The following WWC2 variants were observed in gnomAD, a reference collection of about 807,000 sequenced individuals.
WWC2 encodes the protein WW and C2 domain containing 2, also known as protein WWC2.
In WWC2, 101 loss-of-function variants were observed where a neutral mutation model predicts 138.5. The ratio of observed to expected loss-of-function variants is 0.73; its 90% CI spans 0.62 to 0.86. The LOEUF is 0.86. Among genes scored for constraint, WWC2 ranks in the 40% least tolerant of loss-of-function variants. The pLI is 0.00. For missense variants in WWC2, 1,420 were observed against 1,419.4 expected (o/e 1.00, Z -0.01); for synonymous variants, 558 against 538.4 (o/e 1.04, Z -0.50).
intron 21 of WWC2, among the ~76,000 whole-genome samples, chr4:183,292,459 C>T (rs1284355241): frequency 6.6e-6 from 1 of 152,068 alleles, no homozygotes; most frequent in East Asian, 1.9e-4. Flanking sequence ...GAGTTATGAT[C>T]ACCCCACTGA....
At chr4:183,103,883 C>G (rs968978322) in intron 1 of WWC2, among the ~76,000 whole-genome samples, 10 of 152,044 alleles carry the variant, frequency 6.6e-5, no homozygotes, top group African/African-American at 2.4e-4. Flanking sequence ...ATGCGCCCAC[C>G]TTGGCCTCCC....
chr4:183,249,727 A>G (rs1291384760), intron 7 of WWC2, among the ~76,000 whole-genome samples, 193 bp from the exon 8 acceptor site: 1 of 152,216 alleles, frequency 6.6e-6, no homozygotes, highest in Non-Finnish European at 1.5e-5. Context: ...TGAAAAACAG[A>G]TGAGCTTGAA....
intron 21 of WWC2, among the ~76,000 whole-genome samples, chr4:183,300,244 G>A (rs562617775): frequency 6.6e-6 from 1 of 152,220 alleles, no homozygotes; most frequent in East Asian, 1.9e-4. Flanking sequence ...CGTAAGCCCG[G>A]CATCTTATCG....
intron 1 of WWC2, 97 bp downstream of exon 1, chr4:183,099,719 G>A: frequency 9.0e-7 from 1 of 1,114,572 alleles, no homozygotes; most frequent in Non-Finnish European, 1.1e-6. Flanking sequence ...GCCGGCCCGC[G>A]GTGCCCCGAG....
chr4:183,183,708 G>T (rs1734710333), intron 1 of WWC2, among the ~76,000 whole-genome samples: 1 of 151,960 alleles, frequency 6.6e-6, no homozygotes, highest in African/African-American at 2.4e-5. Context: ...AGCCCGGGAG[G>T]TTGAGGCTGT....
chr4:183,166,632 C>T (rs1415149542), intron 1 of WWC2, among the ~76,000 whole-genome samples: 1 of 152,158 alleles, frequency 6.6e-6, no homozygotes, highest in Non-Finnish European at 1.5e-5. Context: ...CATTTACTCA[C>T]TTGTTTTTGA....
At position 183,269,184 on chromosome 4, in the gene WWC2, C is replaced by T. The variant is rs764618083; in HGVS notation, c.2400+21C>T. 89 of 1,556,450 alleles carry T rather than the reference C, an allele frequency of 5.7e-5. 1 individual carries two copies. The South Asian group carries it at 9.9e-4, about 17-fold the overall frequency. On this transcript the variant is annotated intron_variant, in intron 15 of 22. Transcript: ENST00000403733. ...GCCTGGTAGGATTCTTCATAATTCC[C>T]ATTACCAAATAGCACTTAGATTGGG...
chr4:183,217,288 A>G (rs193157175), intron 4 of WWC2, among the ~76,000 whole-genome samples: 9 of 152,308 alleles, frequency 5.9e-5, no homozygotes, highest in Non-Finnish European at 1.0e-4. Context: ...CCAAGAGGGC[A>G]TCAGGAAACC....
intron 1 of WWC2, among the ~76,000 whole-genome samples, chr4:183,139,056 A>G (rs1000997133): frequency 6.6e-6 from 1 of 152,190 alleles, no homozygotes; most frequent in African/African-American, 2.4e-5. Context: ...GGAGGTTTGT[A>G]TCAGTAACAT....
At chr4:183,125,693 A>G (rs1732736734) in intron 1 of WWC2, among the ~76,000 whole-genome samples, 1 of 152,206 alleles carries the variant, frequency 6.6e-6, no homozygotes. Context: ...TTGTTTTAAT[A>G]TCGAAGTAGA....
At chr4:183,240,404 A>G in intron 5 of WWC2, 142 bp downstream of exon 5, 1 of 557,904 alleles carries the variant, frequency 1.8e-6, no homozygotes, top group East Asian at 3.2e-5. Flanking sequence ...CCAAAAGAAA[A>G]TAAAGCAATC....
rs932760377 is a variant in WWC2 at position 183,149,917 on chromosome 4, A to G, written c.132-43682A>G. Among the ~76,000 whole-genome samples, 3 of 152,180 alleles carry G rather than the reference A, an allele frequency of 2.0e-5. No individual in the cohort carries two copies. In the East Asian group the frequency reaches 5.8e-4, roughly 29 times the overall value. ...CATTTGTTTGCTCAAACATTTCTATAAACTGGGGTTTCTCTTCATCTGCTT... is the reference window on the plus strand; with the variant it reads ...CATTTGTTTGCTCAAACATTTCTATGAACTGGGGTTTCTCTTCATCTGCTT... On this transcript the variant is annotated intron_variant, in intron 1 of 22. Coordinates refer to ENST00000403733, the MANE Select transcript of WWC2 (RefSeq NM_024949.6).
rs1272594975 is a variant in WWC2, at chr4:183,280,369, C to A, written c.2563-407C>A. 2.0e-5 allele frequency among the ~76,000 whole-genome samples: 3 copies of A among 151,108 alleles called. No individual in the cohort carries two copies. In the Admixed American group the frequency reaches 2.0e-4, roughly 10 times the overall value. ...CTTTACAGTTCATTTTCTCTAACCT[C>A]TTGTGAGTTGACTGCCTTGGTAGTC... On this transcript the variant is annotated intron_variant, in intron 16 of 22. Transcript: ENST00000403733.
intron 19 of WWC2, 99 bp from the exon 20 acceptor site, chr4:183,285,868 A>ATC: frequency 1.8e-6 from 2 of 1,101,950 alleles, no homozygotes; most frequent in Middle Eastern, 4.2e-4. Context: ...ACTCTTAACT[A>ATC]TGACTACCTG....
At chr4:183,254,099 C>T (rs1737066728) in intron 9 of WWC2, 100 bp downstream of exon 9, 2 of 1,479,096 alleles carry the variant, frequency 1.4e-6, no homozygotes, top group Non-Finnish European at 1.8e-6. Context: ...TGCATCTGTT[C>T]TTAGTGGACT....
intron 21 of WWC2, among the ~76,000 whole-genome samples, chr4:183,300,086 C>T (rs1738779322): frequency 6.6e-6 from 1 of 152,180 alleles, no homozygotes; most frequent in East Asian, 1.9e-4. Flanking sequence ...TAAATTAAGA[C>T]TGGATTGTGC....
intron 18 of WWC2, among the ~76,000 whole-genome samples, chr4:183,283,776 G>T (rs901755976): frequency 6.6e-6 from 1 of 152,068 alleles, no homozygotes; most frequent in Non-Finnish European, 1.5e-5. Flanking sequence ...CAAGTTTGTG[G>T]TATATTTCAT....
At chr4:183,254,136 T>C (rs1737067902) in intron 9 of WWC2, 137 bp downstream of exon 9, 2 of 1,366,074 alleles carry the variant, frequency 1.5e-6, no homozygotes, top group Non-Finnish European at 1.9e-6. Context: ...GGACTTTCTG[T>C]AGAACAATAA....
chr4:183,205,333 A>G (rs1419477913), intron 2 of WWC2, among the ~76,000 whole-genome samples: 1 of 152,178 alleles, frequency 6.6e-6, no homozygotes, highest in Non-Finnish European at 1.5e-5. Flanking sequence ...GTCTCCTTTC[A>G]TCTGCTTACT....
Sources: allele counts gnomAD v4.1 joint callset (sites outside exome capture counted in the v4.1 genomes callset), GRCh38; gene constraint gnomAD v4.1.1; transcripts MANE v1.5; gene names NCBI Gene and HGNC (gene_info 2026-07-23, HGNC 2026-07-21).